Variants in SLF1 observed in about 807,000 individuals in gnomAD.
The protein encoded by SLF1 is SMC5-SMC6 complex localization factor protein 1.
In SLF1, 105 loss-of-function variants were observed where a neutral mutation model predicts 123.0. That is an observed-to-expected ratio of 0.85 (90% CI 0.73 to 1.00). The LOEUF (loss-of-function observed/expected upper bound fraction) is 1.00, where lower values mean the gene tolerates loss of function less well. Among genes scored for constraint, SLF1 ranks in the 50% least tolerant of loss-of-function variants. The probability of loss-of-function intolerance (pLI) is 0.00; values close to 1 mark genes in which losing one functional copy is unlikely to be tolerated. For synonymous variants in SLF1, 434 were observed against 406.6 expected (o/e 1.07, Z -0.81); for missense variants, 1,239 against 1,223.0 (o/e 1.01, Z -0.20).
chr5:94,653,480 T>G (rs1428220159), intron 8 of SLF1, 59 bp downstream of exon 8: 2 of 1,335,882 alleles, frequency 1.5e-6, no homozygotes, highest in Non-Finnish European at 2.0e-6. Context: ...TTCTCTGATA[T>G]AATCTAGATA....
At position 94,643,473 on chromosome 5, in the gene SLF1, A is replaced by G. The variant is rs201583364; in HGVS notation, c.594+38A>G. 1.8e-5 allele frequency: 24 copies of G among 1,310,648 alleles called. No homozygotes were observed. The East Asian group carries it at 2.8e-4, about 15-fold the overall frequency. 81.2% of individuals were successfully genotyped at this position (1,310,648 alleles called of 1,614,324 possible). A position where few individuals can be genotyped will look rare whatever the true frequency, so the allele number is the denominator to read the frequency against. On this transcript the variant is annotated intron_variant, in intron 5 of 20. Coordinates refer to ENST00000265140, the MANE Select transcript of SLF1 (RefSeq NM_032290.4). ...AATAGTAAACATTTTATTTTGTTTC[A>G]TGTGTTCATTTTATAAAATACCAAC...
intron 4 of SLF1, among the ~76,000 whole-genome samples, chr5:94,633,463 A>G (rs1745428797): frequency 6.6e-6 from 1 of 152,194 alleles, no homozygotes; most frequent in South Asian, 2.1e-4. Flanking sequence ...ATCTAAACCT[A>G]ATGTGATATT....
chr5:94,649,864 C>T (rs1164319278), intron 6 of SLF1, among the ~76,000 whole-genome samples: 1 of 151,858 alleles, frequency 6.6e-6, no homozygotes, highest in Non-Finnish European at 1.5e-5. Context: ...ATGTAATTAC[C>T]ATGTTTAGGT....
In SLF1 at chr5:94,662,363, G is replaced by A; in HGVS notation, c.1209+12G>A. ...TGTACAACGTAGAGGTAAGGGGCTTGGAGCAGCATTGGTGATGGGGGCAAA... is the reference window on the plus strand; with the variant it reads ...TGTACAACGTAGAGGTAAGGGGCTTAGAGCAGCATTGGTGATGGGGGCAAA... On this transcript the variant is annotated intron_variant, in intron 10 of 20. Transcript: ENST00000265140. The A allele has an allele frequency of 6.5e-7, 1 of 1,536,332 alleles. No homozygotes were observed. The highest frequency in any genetic ancestry group is 1.2e-5 in the South Asian group (1 of 80,702).
Position 94,696,240 on chromosome 5 carries a change from T to A in SLF1, c.*928T>A, listed in dbSNP as rs191871536. The A allele has an allele frequency of 6.6e-6, 1 of 151,912 alleles. No homozygotes were observed. The highest frequency in any genetic ancestry group is 1.9e-4 in the East Asian group (1 of 5,148). 9.4% of individuals were successfully genotyped at this position (151,912 alleles called of 1,614,324 possible). A position where few individuals can be genotyped will look rare whatever the true frequency, so the allele number is the denominator to read the frequency against. On this transcript the variant is annotated 3_prime_UTR_variant, in exon 21 of 21. Coordinates refer to ENST00000265140, the MANE Select transcript of SLF1 (RefSeq NM_032290.4). The stretch of plus-strand genomic sequence containing the variant: ...TCACTACTGGGAGTAAGTTACATTA[T>A]GATACAGGTGGAAAATAAACACTTC...
At chr5:94,626,749 T>C (rs1164364378) in intron 1 of SLF1, among the ~76,000 whole-genome samples, 1 of 152,212 alleles carries the variant, frequency 6.6e-6, no homozygotes, top group Non-Finnish European at 1.5e-5. Context: ...ACACAGGCAG[T>C]GCAGGACTAC....
At chr5:94,668,884 C>T (rs78558869) in intron 12 of SLF1, among the ~76,000 whole-genome samples, 6,217 of 152,234 alleles carry the variant, frequency 0.041, 250 homozygotes, top group East Asian at 0.21. Flanking sequence ...AAGAGAGGTG[C>T]TCAGTCTTGT....
Position 94,686,617 on chromosome 5 carries a change from T to C in SLF1, c.2020T>C (p.Ser674Pro). The change falls in exon 16 of 21, where the codon TCC becomes CCC. Residue 674 changes from serine to proline, a missense_variant. Ser to Pro is a moderately conservative substitution (Grantham distance 74, BLOSUM62 -1). Transcript: ENST00000265140. ...AGAGATTTTCATTTGCTCCTTTTCC[T>C]CCTCCTGGCTTCAAATGTTTGTTGC... ...ELEIFICSFSSSWLQMFVAEA... is the reference protein window; with the variant it reads ...ELEIFICSFSPSWLQMFVAEA... The C allele has an allele frequency of 1.9e-6, 3 of 1,614,074 alleles. No homozygotes were observed. In the South Asian group the frequency reaches 3.3e-5, roughly 18 times the overall value.
rs1472335641 is a variant in SLF1, at chr5:94,651,863, A to T, written c.882+18A>T. 7.8e-7 allele frequency: 1 copy of T among 1,280,406 alleles called. No homozygotes were observed. Among genetic ancestry groups the T allele is most frequent in the Non-Finnish European group, 1.0e-6 (1 of 960,426 alleles). 79.3% of individuals were successfully genotyped at this position (1,280,406 alleles called of 1,614,324 possible). On this transcript the variant is annotated intron_variant, in intron 7 of 20. Transcript: ENST00000265140. ...AAAATCAGGTACAACTTTCCAAATT[A>T]AAAATAATTTATTTTTAATATATAT...
chr5:94,694,339 C>T lies in SLF1; in HGVS notation c.2696-492C>T, dbSNP rs1268822445. Among the ~76,000 whole-genome samples the T allele has an allele frequency of 3.3e-5, 5 of 151,764 alleles. No individual in the cohort carries two copies. In the South Asian group the frequency reaches 1.0e-3, roughly 31 times the overall value. On this transcript the variant is annotated intron_variant, in intron 20 of 20. Transcript: ENST00000265140. ...ACCTGTACTAAACATTGAACACAAGCAAGGGTAATATGAAAACTGTTCTCT... is the reference window on the plus strand; with the variant it reads ...ACCTGTACTAAACATTGAACACAAGTAAGGGTAATATGAAAACTGTTCTCT...
intron 5 of SLF1, among the ~76,000 whole-genome samples, chr5:94,645,150 T>C (rs1226601687): frequency 6.6e-6 from 1 of 152,154 alleles, no homozygotes; most frequent in Non-Finnish European, 1.5e-5. Flanking sequence ...AAGAGAAGTA[T>C]GTAAGAGCTT....
At chr5:94,671,783 T>A (rs909581910) in intron 14 of SLF1, among the ~76,000 whole-genome samples, 1 of 151,928 alleles carries the variant, frequency 6.6e-6, no homozygotes, top group African/African-American at 2.4e-5. Flanking sequence ...GTTTGGTACT[T>A]TAACCTAGAG....
chr5:94,653,565 T>C, intron 8 of SLF1, 144 bp downstream of exon 8: 1 of 691,814 alleles, frequency 1.4e-6, no homozygotes, highest in Non-Finnish European at 2.2e-6. Flanking sequence ...TCCAGTTAAC[T>C]TTGGTTCACA....
chr5:94,665,985 G>C lies in SLF1; in HGVS notation c.1493G>C (p.Cys498Ser). The change falls in exon 12 of 21, where the codon TGT becomes TCT. Residue 498 changes from cysteine to serine, a missense_variant. Transcript: ENST00000265140. The stretch of plus-strand genomic sequence containing the variant: ...TTAGAGTTGTTTCAGTGTCCAACTT[G>C]TATGAAAGGAGCATGGTCTTTAGTA... ...YYLELFQCPTCMKGAWSLVEV... is the reference protein window; with the variant it reads ...YYLELFQCPTSMKGAWSLVEV... 2 of 1,551,194 alleles carry C rather than the reference G, an allele frequency of 1.3e-6. No individual in the cohort carries two copies. The highest frequency in any genetic ancestry group is 8.7e-7 in the Non-Finnish European group (1 of 1,146,822).
chr5:94,686,424 C>T, intron 15 of SLF1, 149 bp from the exon 16 acceptor site: 3 of 796,854 alleles, frequency 3.8e-6, no homozygotes, highest in Admixed American at 2.5e-5. Flanking sequence ...GTGATATGAC[C>T]TATTTTTTGT....
intron 1 of SLF1, among the ~76,000 whole-genome samples, chr5:94,628,247 G>A (rs983223034): frequency 2.6e-5 from 4 of 152,170 alleles, no homozygotes; most frequent in Non-Finnish European, 5.9e-5. Context: ...CAGGGTTCAA[G>A]CAATTCTCCT....
chr5:94,649,359 A>C, intron 5 of SLF1, 95 bp from the exon 6 acceptor site: 1 of 1,058,268 alleles, frequency 9.4e-7, no homozygotes. Context: ...TGTTTGACTA[A>C]CAAAGTATTA....
chr5:94,621,595 C>T (rs1791792047), intron 1 of SLF1, among the ~76,000 whole-genome samples: 2 of 152,098 alleles, frequency 1.3e-5, no homozygotes, highest in Admixed American at 6.5e-5. Flanking sequence ...TGAACCTTTC[C>T]TCTCTTGACC....
chr5:94,686,666 G>C lies in SLF1; in HGVS notation c.2069G>C (p.Cys690Ser). 6.2e-7 allele frequency: 1 copy of C among 1,614,034 alleles called. No homozygotes were observed. The highest frequency in any genetic ancestry group is 8.5e-7 in the Non-Finnish European group (1 of 1,179,968). ...FVAEAVFKKL[C>S]LQSSGSVSSE... ...GCAGAGGCAGTCTTTAAAAAGTTGTGTCTACAGAGCTCTGGCAGTGTTTCT... is the reference window on the plus strand; with the variant it reads ...GCAGAGGCAGTCTTTAAAAAGTTGTCTCTACAGAGCTCTGGCAGTGTTTCT... Residue 690 changes from cysteine (C) to serine (S), a missense_variant, in exon 16 of 21, where the codon TGT becomes TCT. Cys to Ser is a moderately radical substitution (Grantham distance 112). Coordinates refer to ENST00000265140, the MANE Select transcript of SLF1 (RefSeq NM_032290.4).
Sources: allele counts gnomAD v4.1 joint callset (sites outside exome capture counted in the v4.1 genomes callset), GRCh38; gene constraint gnomAD v4.1.1; transcripts MANE v1.5; gene names NCBI Gene and HGNC (gene_info 2026-07-23, HGNC 2026-07-21).